Variants in ASH1L observed in about 807,000 individuals in gnomAD.
ASH1L encodes ASH1 like histone lysine methyltransferase.
In ASH1L, 23 loss-of-function variants were observed where a neutral mutation model predicts 269.0. That is an observed-to-expected ratio of 0.09 (90% CI 0.06 to 0.12). The LOEUF (loss-of-function observed/expected upper bound fraction) is 0.12, where lower values mean the gene tolerates loss of function less well. ASH1L is among the 10% of genes least tolerant of loss of function. The pLI is 1.00. For synonymous variants in ASH1L, 1,187 were observed against 1,253.5 expected (o/e 0.95, Z 1.12); for missense variants, 2,912 against 3,567.8 (o/e 0.82, Z 4.68).
At chr1:155,372,550 C>A (rs565840974) in intron 10 of ASH1L, among the ~76,000 whole-genome samples, 2 of 152,010 alleles carry the variant, frequency 1.3e-5, no homozygotes, top group East Asian at 3.9e-4. Context: ...CTCAAGTGAT[C>A]CGCCCACCTC....
intron 2 of ASH1L, among the ~76,000 whole-genome samples, chr1:155,505,067 A>G (rs1489297057): frequency 1.3e-5 from 2 of 152,156 alleles, no homozygotes; most frequent in African/African-American, 2.4e-5. Context: ...CTAAGAAAAA[A>G]TAAGTATGGT....
rs540098528 is a variant in ASH1L at position 155,393,694 on chromosome 1, A to G, written c.6103+1765T>C. Among the ~76,000 whole-genome samples, 12 of 152,054 alleles carry G rather than the reference A, an allele frequency of 7.9e-5. No individual in the cohort carries two copies. The South Asian group carries it at 1.7e-3, about 21-fold the overall frequency. On this transcript the variant is annotated intron_variant, in intron 7 of 27. Coordinates refer to ENST00000392403, the MANE Select transcript of ASH1L (RefSeq NM_018489.3). ...CTCAGCCTCCCAAGTAGCTGGGACT[A>G]CAGGTGCCTGCCACCATGCCCAGCT...
At chr1:155,545,258 T>A (rs1490596316) in intron 1 of ASH1L, among the ~76,000 whole-genome samples, 4 of 142,966 alleles carry the variant, frequency 2.8e-5, no homozygotes, top group Non-Finnish European at 6.1e-5. Context: ...CAAGTAATAC[T>A]GATAATGTAT....
chr1:155,458,952 CTTT>C (rs368224681), intron 4 of ASH1L, among the ~76,000 whole-genome samples: 1 of 134,524 alleles, frequency 7.4e-6, no homozygotes, highest in Non-Finnish European at 1.6e-5. Context: ...CATCCTCTCT[CTTT>C]TTTTTTTTTT....
In ASH1L at chr1:155,415,936, G is replaced by T; in HGVS notation, c.5829-13C>A. The stretch of plus-strand genomic sequence containing the variant: ...TGCTTCATTAAAGCTAGAAAGAGAA[G>T]TTTAAAGATAATTTTATTATGAAAA... On this transcript the variant is annotated splice_polypyrimidine_tract_variant and intron_variant, in intron 5 of 27. Coordinates refer to ENST00000392403, the MANE Select transcript of ASH1L (RefSeq NM_018489.3). The T allele has an allele frequency of 3.5e-6, 5 of 1,448,308 alleles. No homozygotes were observed. The highest frequency in any genetic ancestry group is 1.6e-5 in the South Asian group (1 of 63,050). The allele number at this position is 1,448,308 out of a possible 1,614,324, so 89.7% of individuals were successfully genotyped here. A position where few individuals can be genotyped will look rare whatever the true frequency, so the allele number is the denominator to read the frequency against.
intron 4 of ASH1L, among the ~76,000 whole-genome samples, chr1:155,444,279 G>A (rs1374211414): frequency 1.3e-5 from 2 of 152,078 alleles, no homozygotes. Flanking sequence ...ACTGCAACCT[G>A]CCTAGAATTA....
chr1:155,450,332 A>G (rs899126945), intron 4 of ASH1L, among the ~76,000 whole-genome samples: 3 of 152,152 alleles, frequency 2.0e-5, no homozygotes, highest in African/African-American at 4.8e-5. Context: ...GATCTGTGGG[A>G]TATAGTTTTA....
intron 4 of ASH1L, among the ~76,000 whole-genome samples, chr1:155,452,561 T>C (rs1663564549): frequency 6.6e-6 from 1 of 151,548 alleles, no homozygotes; most frequent in Non-Finnish European, 1.5e-5. Context: ...CTTTTTTTTT[T>C]TTTTTTCCTT....
intron 4 of ASH1L, among the ~76,000 whole-genome samples, chr1:155,444,352 C>T (rs1487033224): frequency 6.6e-6 from 1 of 152,032 alleles, no homozygotes; most frequent in Non-Finnish European, 1.5e-5. Context: ...TTTATAGTCC[C>T]ATCATCAATG....
At chr1:155,511,957 T>G (rs1481558356) in intron 2 of ASH1L, among the ~76,000 whole-genome samples, 8 of 151,830 alleles carry the variant, frequency 5.3e-5, no homozygotes, top group Non-Finnish European at 1.2e-4. Flanking sequence ...ATTACAGGCA[T>G]GCACCACCAC....
rs1274025932 is a variant in ASH1L at position 155,483,030 on chromosome 1, CAGA to C, written c.421-584_421-582del. Among the ~76,000 whole-genome samples the C allele has an allele frequency of 7.4e-3, 1,126 of 152,232 alleles. 19 individuals carry two copies. The highest frequency in any genetic ancestry group is 0.026 in the African/African-American group (1,088 of 41,564). Reference sequence around the variant, plus strand: ...ACAATTTAAAAATTCATATTTTCATCAGAATGTGTTTTTATATAAAATCTTAGA... The same window carrying C: ...ACAATTTAAAAATTCATATTTTCATCATGTGTTTTTATATAAAATCTTAGA... On this transcript the variant is annotated intron_variant, in intron 2 of 27. Coordinates refer to ENST00000392403, the MANE Select transcript of ASH1L (RefSeq NM_018489.3).
rs1558007354 is a variant in ASH1L at position 155,336,380 on chromosome 1, T to TAC, written c.*1278_*1279dup. 1 of 151,292 alleles carries TAC rather than the reference T, an allele frequency of 6.6e-6. No individual in the cohort carries two copies. Among genetic ancestry groups the TAC allele is most frequent in the Non-Finnish European group, 1.5e-5 (1 of 67,694 alleles). The allele number at this position is 151,292 out of a possible 1,614,324, so 9.4% of individuals were successfully genotyped here. ...ATATATACACACACACATATATATA[T>TAC]ACACACACATACACACATATATATA... On this transcript the variant is annotated 3_prime_UTR_variant, in exon 28 of 28. Coordinates refer to ENST00000392403, the MANE Select transcript of ASH1L (RefSeq NM_018489.3).
chr1:155,497,130 T>C (rs1667204829), intron 2 of ASH1L, among the ~76,000 whole-genome samples: 2 of 152,344 alleles, frequency 1.3e-5, no homozygotes, highest in South Asian at 2.1e-4. Flanking sequence ...AAGTAACTTA[T>C]CTAGTGCCAA....
intron 1 of ASH1L, among the ~76,000 whole-genome samples, chr1:155,557,735 T>C (rs572406877): frequency 1.3e-5 from 2 of 152,238 alleles, no homozygotes; most frequent in South Asian, 4.1e-4. Context: ...AGCCTCTTCA[T>C]ATGAAAAAAT....
At position 155,337,710 on chromosome 1, in the gene ASH1L, T is replaced by G; in HGVS notation, c.8845A>C (p.Lys2949Gln). The G allele has an allele frequency of 6.2e-7, 1 of 1,614,086 alleles. No individual in the cohort carries two copies. Among genetic ancestry groups the G allele is most frequent in the South Asian group, 1.1e-5 (1 of 91,084 alleles). Reference sequence around the variant, plus strand: ...ATAAACAAAGTACGCCTTCGCAGTTTCCTGCCTGATCCTTCCTCCAGCAAG... The same window carrying G: ...ATAAACAAAGTACGCCTTCGCAGTTGCCTGCCTGATCCTTCCTCCAGCAAG... Reference protein sequence around the residue: ...TYLLEEGSGRKLRRRTLFIPE... With the variant: ...TYLLEEGSGRQLRRRTLFIPE... The change falls in exon 28 of 28, where the codon AAA becomes CAA. Residue 2949 changes from lysine to glutamine, a missense_variant. Around this residue, in one of 13 missense-constraint regions of ASH1L, gnomAD observed 154 missense variants for 165.0 expected, o/e 0.93. Coordinates refer to ENST00000392403, the MANE Select transcript of ASH1L (RefSeq NM_018489.3).
In ASH1L at chr1:155,481,455, T is replaced by C; in HGVS notation, c.1415A>G (p.Gln472Arg). Residue 472 changes from glutamine (Q) to arginine (R), a missense_variant, in exon 3 of 28, where the codon CAG (glutamine) becomes CGG (arginine). Gln to Arg is a conservative substitution (Grantham distance 43). This residue lies in a region of ASH1L where 715 missense variants were observed against 721.0 expected (regional missense o/e 0.99). Transcript: ENST00000392403. Reference protein sequence around the residue: ...SKTFEKNVVRQNKESILEKFS... With the variant: ...SKTFEKNVVRRNKESILEKFS... ...CTTTTCCAATATGCTTTCTTTATTC[T>C]GCCGTACAACATTCTTTTCAAAAGT... The C allele has an allele frequency of 6.2e-7, 1 of 1,614,144 alleles. No homozygotes were observed. The highest frequency in any genetic ancestry group is 8.5e-7 in the Non-Finnish European group (1 of 1,179,994).
At chr1:155,424,463 G>A (rs1660972449) in intron 5 of ASH1L, among the ~76,000 whole-genome samples, 1 of 151,804 alleles carries the variant, frequency 6.6e-6, no homozygotes, top group Non-Finnish European at 1.5e-5. Flanking sequence ...GCTGGAGTGA[G>A]ATGGTGCGAT....
intron 1 of ASH1L, among the ~76,000 whole-genome samples, chr1:155,553,344 T>C (rs982122214): frequency 6.6e-5 from 10 of 152,252 alleles, no homozygotes; most frequent in Non-Finnish European, 1.3e-4. Flanking sequence ...CATTAATCTT[T>C]GCTAGAAATT....
chr1:155,338,245 C>T lies in ASH1L; in HGVS notation c.8647G>A (p.Gly2883Arg), dbSNP rs1189915883. The T allele has an allele frequency of 1.2e-6, 2 of 1,614,108 alleles. No homozygotes were observed. The highest frequency in any genetic ancestry group is 2.2e-5 in the East Asian group (1 of 44,884). ...CCCTCACTGACGTTAGCAGTGGCCC[C>T]TTCCCGTTCTGGCTCCTCCAGGCTG... ...IPSLEEPERE[G>R]ATANVSEGEK... The change falls in exon 27 of 28, where the codon GGG (glycine) becomes AGG (arginine). Residue 2883 changes from glycine (G) to arginine (R), a missense_variant. By Grantham distance (125) the Gly-to-Arg change is moderately radical (BLOSUM62 -2). Transcript: ENST00000392403.
Sources: allele counts gnomAD v4.1 joint callset (sites outside exome capture counted in the v4.1 genomes callset), GRCh38; gene constraint gnomAD v4.1.1; regional missense constraint gnomAD v4.1.1; transcripts MANE v1.5; gene names NCBI Gene and HGNC (gene_info 2026-07-23, HGNC 2026-07-21).